The following CNTNAP2 variants were observed in gnomAD, a reference collection of about 807,000 sequenced individuals.
The protein encoded by CNTNAP2 is contactin associated protein 2.
CNTNAP2 carries 98 observed loss-of-function variants against 155.2 expected under a neutral mutation model. That is an observed-to-expected ratio of 0.63 (90% CI 0.54 to 0.75). The LOEUF is 0.75. CNTNAP2 is among the 30% of genes least tolerant of loss of function. The probability of loss-of-function intolerance (pLI) is 0.00; values close to 1 mark genes in which losing one functional copy is unlikely to be tolerated. For synonymous variants in CNTNAP2, 651 were observed against 631.2 expected (o/e 1.03, Z -0.47); for missense variants, 1,727 against 1,688.1 (o/e 1.02, Z -0.40).
intron 1 of CNTNAP2, among the ~76,000 whole-genome samples, chr7:146,232,751 C>T (rs567541073): frequency 6.6e-6 from 1 of 152,176 alleles, no homozygotes; most frequent in South Asian, 2.1e-4. Context: ...GTGCCTGACA[C>T]CTTAGGCACA....
chr7:147,925,201 AGG>A (rs1491368739), intron 14 of CNTNAP2, among the ~76,000 whole-genome samples: 5 of 149,336 alleles, frequency 3.3e-5, no homozygotes, highest in African/African-American at 1.3e-4. Flanking sequence ...GAAGGAAGGA[AGG>A]AAGGAAAGAA....
At chr7:148,214,559 C>T (rs980258707) in intron 18 of CNTNAP2, among the ~76,000 whole-genome samples, 1 of 151,994 alleles carries the variant, frequency 6.6e-6, no homozygotes, top group African/African-American at 2.4e-5. Context: ...CAGGAGAATT[C>T]TTTTTTTATT....
intron 1 of CNTNAP2, among the ~76,000 whole-genome samples, chr7:146,451,855 C>G (rs915960843): frequency 0.037 from 4,839 of 131,320 alleles, 427 homozygotes; most frequent in African/African-American, 0.11. Flanking sequence ...TACACGTATT[C>G]TATATATATA....
intron 11 of CNTNAP2, among the ~76,000 whole-genome samples, chr7:147,557,675 T>C (rs977072310): frequency 6.6e-6 from 1 of 152,136 alleles, no homozygotes; most frequent in Non-Finnish European, 1.5e-5. Context: ...GCATGCAGGG[T>C]AAATACTGTC....
chr7:146,331,938 A>G (rs974008981), intron 1 of CNTNAP2, among the ~76,000 whole-genome samples: 4 of 152,224 alleles, frequency 2.6e-5, no homozygotes, highest in Non-Finnish European at 4.4e-5. Context: ...GAAGCAGGCT[A>G]TCACATATTT....
At chr7:147,232,793 T>A (rs1803713132) in intron 8 of CNTNAP2, among the ~76,000 whole-genome samples, 2 of 54,598 alleles carry the variant, frequency 3.7e-5, no homozygotes, top group Non-Finnish European at 6.4e-5. Context: ...TTAAAAGCGT[T>A]TATCTTTTCT....
intron 4 of CNTNAP2, among the ~76,000 whole-genome samples, chr7:147,097,129 C>T (rs1000089277): frequency 6.6e-6 from 1 of 152,096 alleles, no homozygotes; most frequent in Non-Finnish European, 1.5e-5. Flanking sequence ...ATCATTTGTA[C>T]CAACTAATTT....
chr7:146,610,009 T>C (rs1799108228), intron 1 of CNTNAP2, among the ~76,000 whole-genome samples: 1 of 152,068 alleles, frequency 6.6e-6, no homozygotes, highest in Admixed American at 6.6e-5. Flanking sequence ...ATTGAACAAG[T>C]CTCCCAGGTG....
rs2129200506 is a variant in CNTNAP2 at position 146,839,802 on chromosome 7, C to T, written c.300C>T (p.Thr100=). 1 of 1,614,058 alleles carries T rather than the reference C, an allele frequency of 6.2e-7. No individual in the cohort carries two copies. Among genetic ancestry groups the T allele is most frequent in the Admixed American group, 1.7e-5 (1 of 60,010 alleles). The change falls in exon 3 of 24, where the codon ACC becomes ACT. Residue 100 remains threonine (T), a synonymous_variant. Coordinates refer to ENST00000361727, the MANE Select transcript of CNTNAP2 (RefSeq NM_014141.6). ...GGAAGCAGATCAGTGCCATTGCAAC[C>T]CAAGGAAGGTATAGCAGCTCAGATT... ...GNRKQISAIA[T]QGRYSSSDWV...
chr7:147,284,164 T>G (rs541881429), intron 8 of CNTNAP2, among the ~76,000 whole-genome samples: 5 of 151,520 alleles, frequency 3.3e-5, no homozygotes, highest in African/African-American at 9.7e-5. Context: ...AAATAACGTG[T>G]TTTTTTCCCC....
intron 10 of CNTNAP2, among the ~76,000 whole-genome samples, chr7:147,454,247 T>G (rs1212840844): frequency 6.6e-6 from 1 of 152,182 alleles, no homozygotes; most frequent in Non-Finnish European, 1.5e-5. Context: ...TGGAATTAAT[T>G]TTCTTTGGTG....
At chr7:146,523,203 C>T (rs1797639997) in intron 1 of CNTNAP2, among the ~76,000 whole-genome samples, 1 of 151,912 alleles carries the variant, frequency 6.6e-6, no homozygotes, top group Non-Finnish European at 1.5e-5. Context: ...GCTTTTTTGT[C>T]CTCATAGCTT....
At chr7:146,439,573 T>C (rs10254092) in intron 1 of CNTNAP2, among the ~76,000 whole-genome samples, 12,738 of 151,374 alleles carry the variant, frequency 0.084, 2,020 homozygotes, top group African/African-American at 0.28. Flanking sequence ...ACTCACCCCA[T>C]ATTTCCAGAA....
At chr7:148,248,879 T>C (rs773536743) in intron 20 of CNTNAP2, among the ~76,000 whole-genome samples, 2 of 152,190 alleles carry the variant, frequency 1.3e-5, no homozygotes, top group South Asian at 2.1e-4. Context: ...TAGCACTTGA[T>C]ATTGTCAGTC....
At chr7:147,921,030 C>T (rs1378023685) in intron 14 of CNTNAP2, among the ~76,000 whole-genome samples, 3 of 151,860 alleles carry the variant, frequency 2.0e-5, no homozygotes, top group Non-Finnish European at 2.9e-5. Context: ...AGGATGGTCT[C>T]CATCTCCTGA....
intron 1 of CNTNAP2, among the ~76,000 whole-genome samples, chr7:146,678,095 T>C (rs1227755987): frequency 6.6e-6 from 1 of 152,136 alleles, no homozygotes; most frequent in Non-Finnish European, 1.5e-5. Context: ...GGAGACTTGC[T>C]CTGTCACCCA....
chr7:147,510,230 A>G (rs1798990229), intron 11 of CNTNAP2, among the ~76,000 whole-genome samples: 1 of 152,150 alleles, frequency 6.6e-6, no homozygotes, highest in Non-Finnish European at 1.5e-5. Context: ...TTTGACTTCA[A>G]GTTCCCCAGA....
chr7:147,833,161 C>A (rs1798581696), intron 13 of CNTNAP2, among the ~76,000 whole-genome samples: 1 of 148,046 alleles, frequency 6.8e-6, no homozygotes, highest in South Asian at 2.1e-4. Flanking sequence ...ATGATAACTG[C>A]TAGCATCGTA....
intron 1 of CNTNAP2, among the ~76,000 whole-genome samples, chr7:146,262,323 C>A (rs533920730): frequency 6.6e-6 from 1 of 152,192 alleles, no homozygotes; most frequent in Admixed American, 6.5e-5. Context: ...CCTTGCCCCC[C>A]TCAATTGCAC....
Sources: allele counts gnomAD v4.1 joint callset (sites outside exome capture counted in the v4.1 genomes callset), GRCh38; gene constraint gnomAD v4.1.1; transcripts MANE v1.5; gene names NCBI Gene and HGNC (gene_info 2026-07-23, HGNC 2026-07-21).